OAS2: variants seen among roughly 807,000 people sequenced by gnomAD.
OAS2 encodes the protein 2'-5'-oligoadenylate synthetase 2.
OAS2 carries 67 observed loss-of-function variants against 71.3 expected under a neutral mutation model. The ratio of observed to expected loss-of-function variants is 0.94; its 90% CI spans 0.77 to 1.15. The LOEUF (loss-of-function observed/expected upper bound fraction) is 1.15. OAS2 is among the 50% of genes most tolerant of loss of function. The pLI is 0.00. For missense variants in OAS2, 789 were observed against 822.5 expected, an observed-to-expected ratio of 0.96 and a Z score of 0.50; for synonymous variants, 327 against 321.8, an observed-to-expected ratio of 1.02 and a Z score of -0.17.
At chr12:113,007,986 T>G (rs763092356) in intron 9 of OAS2, 43 bp downstream of exon 9, 3 of 1,387,036 alleles carry the variant, frequency 2.2e-6, no homozygotes, top group Non-Finnish European at 3.1e-6. Flanking sequence ...CCTGATTCCC[T>G]TGAACACTGT....
intron 2 of OAS2, chr12:112,987,565 A>G (rs1328803510): frequency 3.0e-6 from 4 of 1,342,948 alleles, no homozygotes; most frequent in Non-Finnish European, 3.8e-6. Context: ...TTTAAGCCAT[A>G]CTGTACACAT....
At chr12:112,986,886 C>T in intron 1 of OAS2, 152 bp from the exon 2 acceptor site, 1 of 993,172 alleles carries the variant, frequency 1.0e-6, no homozygotes, top group Non-Finnish European at 1.5e-6. Flanking sequence ...TATGAGCATC[C>T]CAATCAGGTC....
intron 4 of OAS2, 43 bp from the exon 5 acceptor site, chr12:112,998,223 C>T (rs756074860): frequency 6.3e-7 from 1 of 1,592,902 alleles, no homozygotes; most frequent in Non-Finnish European, 8.5e-7. Flanking sequence ...TTGCCTCCCA[C>T]AAGCAGCTCA....
At chr12:112,979,112 G>A (rs899026414) in intron 1 of OAS2, among the ~76,000 whole-genome samples, 2 of 152,218 alleles carry the variant, frequency 1.3e-5, no homozygotes, top group Non-Finnish European at 2.9e-5. Flanking sequence ...ATTACTCACT[G>A]CGATTTTCTT....
rs772024893 is a variant in OAS2 at position 113,006,599 on chromosome 12, A to T, written c.1655A>T (p.Glu552Val). Residue 552 changes from glutamate (E) to valine (V), a missense_variant and splice_region_variant, in exon 8 of 10, where the codon GAG becomes GTG. By Grantham distance (121) the Glu-to-Val change is moderately radical (BLOSUM62 -2). Transcript: ENST00000392583. ...LIRLVKHWYK[E>V]CERKLKPKGS... ...CGCCTGGTGAAGCACTGGTACAAAG[A>T]GGTAAGGACAGTCTTTGTTCTGACC... is the stretch of plus-strand genomic sequence containing the variant. 1.9e-6 allele frequency: 3 copies of T among 1,595,144 alleles called. No homozygotes were observed. The East Asian group carries it at 6.7e-5, about 36-fold the overall frequency.
rs1329265834 is a variant in OAS2 at position 113,010,047 on chromosome 12, T to C, written c.*792T>C. The C allele has an allele frequency of 2.0e-6, 2 of 985,166 alleles. No individual in the cohort carries two copies. The highest frequency in any genetic ancestry group is 2.4e-6 in the Non-Finnish European group (2 of 822,290). The allele number at this position is 985,166 out of a possible 1,614,324, so 61.0% of individuals were successfully genotyped here. On this transcript the variant is annotated 3_prime_UTR_variant, in exon 10 of 10. Transcript: ENST00000392583. ...ATTGTAGGATGTTGAGCAGCATCTC[T>C]GGCCTGTACCCAGTAGATGCCACCC...
Position 113,011,529 on chromosome 12 carries a change from A to C in OAS2, c.*2274A>C, listed in dbSNP as rs1335476191. On this transcript the variant is annotated 3_prime_UTR_variant, in exon 10 of 10. Coordinates refer to ENST00000392583, the MANE Select transcript of OAS2 (RefSeq NM_002535.3). ...GCCTATGTAAAGAAACCCCAATAAA[A>C]ACTCTGGACAGTGAGGCTTGGGGAG... 6.6e-6 allele frequency: 1 copy of C among 152,150 alleles called. No individual in the cohort carries two copies. Among genetic ancestry groups the C allele is most frequent in the African/African-American group, 2.4e-5 (1 of 41,422 alleles). The allele number at this position is 152,150 out of a possible 1,614,324, so 9.4% of individuals were successfully genotyped here. A position where few individuals can be genotyped will look rare whatever the true frequency, so the allele number is the denominator to read the frequency against.
At position 112,998,321 on chromosome 12, in the gene OAS2, T is replaced by A; in HGVS notation, c.919T>A (p.Cys307Ser). 6.2e-7 allele frequency: 1 copy of A among 1,611,878 alleles called. No individual in the cohort carries two copies. Among genetic ancestry groups the A allele is most frequent in the Non-Finnish European group, 8.5e-7 (1 of 1,179,418 alleles). Residue 307 changes from cysteine (C) to serine (S), a missense_variant, in exon 5 of 10, where the codon TGC (cysteine) becomes AGC (serine). Transcript: ENST00000392583. ...PTNNVSGDKI[C>S]WQWLKKEAQT... Reference sequence around the variant, plus strand: ...CAATAATGTGAGTGGAGATAAAATATGCTGGCAATGGCTGAAAAAAGAAGC... The same window carrying A: ...CAATAATGTGAGTGGAGATAAAATAAGCTGGCAATGGCTGAAAAAAGAAGC...
chr12:112,989,169 C>T (rs947229918), intron 2 of OAS2, among the ~76,000 whole-genome samples: 1 of 152,150 alleles, frequency 6.6e-6, no homozygotes, highest in Non-Finnish European at 1.5e-5. Context: ...CCATGCTGTT[C>T]TCATGATAAT....
chr12:112,987,635 C>T, intron 2 of OAS2: 1 of 1,188,334 alleles, frequency 8.4e-7, no homozygotes, highest in Non-Finnish European at 1.0e-6. Flanking sequence ...AGTTAGAGCC[C>T]AGGATTTCAT....
At chr12:113,008,049 C>T (rs45530732) in intron 9 of OAS2, 106 bp downstream of exon 9, 182 of 819,840 alleles carry the variant, frequency 2.2e-4, no homozygotes, top group Non-Finnish European at 3.0e-4. Flanking sequence ...CCTTGCATGA[C>T]GGGGGAAAGT....
chr12:113,006,301 A>G, intron 7 of OAS2, 112 bp from the exon 8 acceptor site: 3 of 881,500 alleles, frequency 3.4e-6, no homozygotes, highest in Non-Finnish European at 3.3e-6. Flanking sequence ...TAAATATGCT[A>G]ATACTATTCA....
chr12:113,001,887 A>AAAAAAAAAAAAAT (rs56814612), intron 5 of OAS2, among the ~76,000 whole-genome samples: 1 of 110,716 alleles, frequency 9.0e-6, no homozygotes. Flanking sequence ...AAAAAAAAAA[A>AAAAAAAAAAAAAT]AGCTAGGCGT....
Position 113,010,188 on chromosome 12 carries a change from T to G in OAS2, c.*933T>G. On this transcript the variant is annotated 3_prime_UTR_variant, in exon 10 of 10. Transcript: ENST00000392583. ...CCCTGGGGGGAATGTAGGGAAGAGG[T>G]GGCCAAGCCAACCGTGGGGTTAGCT... 1 of 1,349,424 alleles carries G rather than the reference T, an allele frequency of 7.4e-7. No individual in the cohort carries two copies. Among genetic ancestry groups the G allele is most frequent in the Non-Finnish European group, 9.5e-7 (1 of 1,052,638 alleles). 83.6% of individuals were successfully genotyped at this position (1,349,424 alleles called of 1,614,324 possible). A position where few individuals can be genotyped will look rare whatever the true frequency, so the allele number is the denominator to read the frequency against.
intron 6 of OAS2, among the ~76,000 whole-genome samples, chr12:113,004,459 T>C (rs2044313664): frequency 6.6e-6 from 1 of 152,208 alleles, no homozygotes; most frequent in Non-Finnish European, 1.5e-5. Context: ...ATACCTACTA[T>C]CTGGCCCTTT....
intron 2 of OAS2, among the ~76,000 whole-genome samples, chr12:112,993,628 C>T (rs539168255): frequency 2.6e-5 from 4 of 152,164 alleles, no homozygotes; most frequent in African/African-American, 9.6e-5. Context: ...GTCTGTAATT[C>T]CAACACTTTG....
intron 1 of OAS2, among the ~76,000 whole-genome samples, chr12:112,982,177 G>C (rs2044088753): frequency 6.6e-6 from 1 of 151,738 alleles, no homozygotes; most frequent in Admixed American, 6.6e-5. Context: ...CTGCAAAGAG[G>C]GGCAATTTGA....
Position 113,010,234 on chromosome 12 carries a change from TATAA to T in OAS2, c.*987_*990del. 6.8e-7 allele frequency: 1 copy of T among 1,469,708 alleles called. No homozygotes were observed. The highest frequency in any genetic ancestry group is 8.9e-7 in the Non-Finnish European group (1 of 1,118,474). The allele number at this position is 1,469,708 out of a possible 1,614,324, so 91.0% of individuals were successfully genotyped here. Reference sequence around the variant, plus strand: ...TAGCTCTAATTATTAAGATATGCATTATAAATAAATACCAAAAAATTGTCTCTGG... The same window carrying T: ...TAGCTCTAATTATTAAGATATGCATTATAAATACCAAAAAATTGTCTCTGG... On this transcript the variant is annotated 3_prime_UTR_variant, in exon 10 of 10. Transcript: ENST00000392583.
chr12:113,006,982 CG>C (rs1335335892), intron 8 of OAS2, among the ~76,000 whole-genome samples: 14 of 152,262 alleles, frequency 9.2e-5, no homozygotes, highest in Non-Finnish European at 1.6e-4. Context: ...TAGGTGGAAC[CG>C]GGGCTGCATT....
Sources: gnomAD v4.1 joint callset for allele counts (sites outside exome capture counted in the v4.1 genomes callset) on GRCh38, gnomAD v4.1.1 for gene constraint, MANE v1.5 for transcripts, NCBI Gene and HGNC (gene_info 2026-07-23, HGNC 2026-07-21) for gene names.